Variants in PRP4K observed in about 807,000 individuals in gnomAD.
PRP4K encodes pre-mRNA processing factor kinase PRP4K, also known as serine/threonine-protein kinase PRP4 homolog.
the PRP4K span, among the ~76,000 whole-genome samples, chr6:4,059,294 C>T: frequency 2.0e-5 from 3 of 152,302 alleles, no homozygotes; most frequent in East Asian, 1.9e-4. Flanking sequence ...GGCCAGAAGG[C>T]GTGCTGGTTC....
At chr6:4,044,071 T>A in the PRP4K span, 1 of 1,543,656 alleles carries the variant, frequency 6.5e-7, no homozygotes, top group Admixed American at 1.7e-5. Context: ...TTGTTAGCTC[T>A]GTAACTTTAT....
the PRP4K span, chr6:4,057,202 T>C: frequency 6.9e-4 from 1,104 of 1,604,960 alleles, 3 homozygotes; most frequent in South Asian, 1.6e-3. Context: ...GACATTAGCA[T>C]GAGCTTCTTT....
At chr6:4,032,037 G>T in the PRP4K span, 1 of 1,614,090 alleles carries the variant, frequency 6.2e-7, no homozygotes, top group Non-Finnish European at 8.5e-7. Context: ...ACTTGAACTT[G>T]TGGACAATAA....
At chr6:4,061,405 C>T in the PRP4K span, 1 of 152,590 alleles carries the variant, frequency 6.6e-6, no homozygotes, top group African/African-American at 2.4e-5. Context: ...TTTAAATCAA[C>T]TTGCTATAGA....
At chr6:4,021,601 G>A in the PRP4K span, 15 of 1,271,246 alleles carry the variant, frequency 1.2e-5, no homozygotes, top group Admixed American at 2.1e-5. Flanking sequence ...TCGTTGTGGG[G>A]TGGGAGGCAT....
At chr6:4,036,278 G>GT in the PRP4K span, among the ~76,000 whole-genome samples, 1 of 152,128 alleles carries the variant, frequency 6.6e-6, no homozygotes. Flanking sequence ...CTGGAGTGCA[G>GT]TGGCATGATC....
chr6:4,048,683 T>C, the PRP4K span, among the ~76,000 whole-genome samples: 2 of 152,128 alleles, frequency 1.3e-5, no homozygotes, highest in South Asian at 4.1e-4. Context: ...TCTTCCTGCC[T>C]CAGCCTACCA....
the PRP4K span, among the ~76,000 whole-genome samples, chr6:4,045,133 A>G: frequency 1.3e-5 from 2 of 152,172 alleles, no homozygotes; most frequent in Non-Finnish European, 2.9e-5. Flanking sequence ...TGCTGGGATT[A>G]CAGGCGTGAG....
At chr6:4,032,666 G>A in the PRP4K span, 314 of 1,613,632 alleles carry the variant, frequency 1.9e-4, 1 homozygote, top group Middle Eastern at 2.6e-3. Context: ...AATCCCCCTC[G>A]CGGACACTGT....
the PRP4K span, among the ~76,000 whole-genome samples, chr6:4,051,402 C>T: frequency 3.3e-5 from 5 of 151,612 alleles, no homozygotes; most frequent in African/African-American, 2.4e-5. Flanking sequence ...GCAAACCCTC[C>T]GTCTCCCGGG....
chr6:4,050,830 A>G, the PRP4K span, among the ~76,000 whole-genome samples: 355 of 152,306 alleles, frequency 2.3e-3, 3 homozygotes, highest in Non-Finnish European at 1.1e-3. Context: ...TGTAACAAGA[A>G]TTTCCTCAGA....
At chr6:4,030,566 A>G in the PRP4K span, among the ~76,000 whole-genome samples, 2 of 152,346 alleles carry the variant, frequency 1.3e-5, no homozygotes, top group East Asian at 3.9e-4. Context: ...CTTAAACACC[A>G]AGGGCTCGAC....
At chr6:4,022,109 A>G in the PRP4K span, among the ~76,000 whole-genome samples, 1 of 148,688 alleles carries the variant, frequency 6.7e-6, no homozygotes, top group Non-Finnish European at 1.5e-5. Context: ...CCAACTTGCA[A>G]ACTTGAGGCA....
At chr6:4,031,931 A>G in the PRP4K span, 2 of 1,613,984 alleles carry the variant, frequency 1.2e-6, no homozygotes, top group Admixed American at 3.3e-5. Flanking sequence ...TCATTTTGCA[A>G]GGTTATGAGT....
the PRP4K span, chr6:4,037,300 G>T: frequency 8.8e-7 from 1 of 1,138,982 alleles, no homozygotes; most frequent in Non-Finnish European, 1.2e-6. Context: ...ACTTTCTTTA[G>T]GCTAATGTGC....
the PRP4K span, chr6:4,041,042 C>A: frequency 8.8e-7 from 1 of 1,138,898 alleles, no homozygotes; most frequent in Non-Finnish European, 1.2e-6. Context: ...ATTAATTTGG[C>A]TCTGAATTTA....
At chr6:4,052,173 A>G in the PRP4K span, 29 of 1,428,594 alleles carry the variant, frequency 2.0e-5, no homozygotes, top group East Asian at 5.1e-4. Flanking sequence ...TAAATGCTGT[A>G]ACAGATTTTC....
At chr6:4,052,217 G>T in the PRP4K span, 2 of 1,118,912 alleles carry the variant, frequency 1.8e-6, no homozygotes, top group East Asian at 5.7e-5. Context: ...ACACAGCTCT[G>T]GTTTTTGTTT....
At chr6:4,042,165 G>A in the PRP4K span, among the ~76,000 whole-genome samples, 1 of 152,192 alleles carries the variant, frequency 6.6e-6, no homozygotes, top group Non-Finnish European at 1.5e-5. Flanking sequence ...TTTTATAGGT[G>A]AGAAAACTAA....
Sources: allele counts gnomAD v4.1 joint callset (sites outside exome capture counted in the v4.1 genomes callset), GRCh38; gene constraint gnomAD v4.1.1; transcripts MANE v1.5; gene names NCBI Gene and HGNC (gene_info 2026-07-23, HGNC 2026-07-21).